The following SLC5A8 variants were observed in gnomAD, a reference collection of about 807,000 sequenced individuals.
SLC5A8 encodes the protein sodium-coupled monocarboxylate transporter 1.
Under a neutral mutation model 71.9 loss-of-function variants are expected in SLC5A8, and 55 were observed. The ratio of observed to expected loss-of-function variants is 0.77; its 90% confidence interval spans 0.62 to 0.96. SLC5A8 has a LOEUF of 0.96. Among genes scored for constraint, SLC5A8 ranks in the 40% least tolerant of loss-of-function variants. The probability of loss-of-function intolerance (pLI) is 0.00; values close to 1 mark genes in which losing one functional copy is unlikely to be tolerated. For missense variants in SLC5A8, 701 were observed against 745.3 expected, an observed-to-expected ratio of 0.94 and a Z score of 0.69; for synonymous variants, 307 against 276.1, an observed-to-expected ratio of 1.11 and a Z score of -1.11.
At position 101,155,826 on chromosome 12, in the gene SLC5A8, TTGTC is replaced by T. The variant is rs2051654866; in HGVS notation, c.*1449_*1452del. On this transcript the variant is annotated 3_prime_UTR_variant, in exon 15 of 15. Coordinates refer to ENST00000536262, the MANE Select transcript of SLC5A8 (RefSeq NM_145913.5). ...TTTTTTTTTTTTAAATTTCTTAACA[TTGTC>T]AGTTAGCAACCTCTAAATGTACAGG... 1.3e-5 allele frequency: 2 copies of T among 150,780 alleles called. 1 individual carries two copies. The highest frequency in any genetic ancestry group is 2.9e-5 in the Non-Finnish European group (2 of 67,840). 9.3% of individuals were successfully genotyped at this position (150,780 alleles called of 1,614,324 possible). A position where few individuals can be genotyped will look rare whatever the true frequency, so the allele number is the denominator to read the frequency against.
In SLC5A8 at chr12:101,202,174, AG is replaced by A; in HGVS notation, c.458del (p.Ala153ValfsTer2). 1 of 1,610,462 alleles carries A rather than the reference AG, an allele frequency of 6.2e-7. No homozygotes were observed. Among genetic ancestry groups the A allele is most frequent in the South Asian group, 1.1e-5 (1 of 90,914 alleles). On this transcript the variant is annotated frameshift_variant, in exon 3 of 15. Transcript: ENST00000536262. LOFTEE classifies it high-confidence loss of function. The part of the protein sequence containing the change: ...TGIVIYAPAL[A>X]LNQVTGFDLW... ...AACTCTAAAATGTACCTTGATTCAA[AG>A]CCAGGGCAGGGGCATAAATAACAAT...
At chr12:101,173,878 A>G (rs78199855) in intron 10 of SLC5A8, among the ~76,000 whole-genome samples, 2,145 of 152,150 alleles carry the variant, frequency 0.014, 43 homozygotes, top group South Asian at 0.054. Context: ...CCAGAGACAC[A>G]CCAGCCAGTG....
intron 10 of SLC5A8, among the ~76,000 whole-genome samples, chr12:101,179,029 T>C (rs894279978): frequency 3.9e-5 from 6 of 152,050 alleles, no homozygotes; most frequent in Admixed American, 1.3e-4. Context: ...AGAAGATACA[T>C]AGATGAAAAA....
At chr12:101,200,055 G>GAAAAAAAAAAAAA (rs1869386065) in intron 3 of SLC5A8, among the ~76,000 whole-genome samples, 1 of 27,482 alleles carries the variant, frequency 3.6e-5, no homozygotes, top group African/African-American at 1.7e-4. Context: ...AAAAAAAAAA[G>GAAAAAAAAAAAAA]GGAATGAACT....
intron 3 of SLC5A8, among the ~76,000 whole-genome samples, chr12:101,195,746 G>A (rs1353941368): frequency 6.9e-6 from 1 of 144,168 alleles, no homozygotes; most frequent in African/African-American, 2.6e-5. Context: ...TACCAGGCTG[G>A]AGTGCAGTGG....
In SLC5A8 at chr12:101,200,050, AAAAAG is replaced by A. The variant is rs1869384777; in HGVS notation, c.469+2109_469+2113del. On this transcript the variant is annotated intron_variant, in intron 3 of 14. Coordinates refer to ENST00000536262, the MANE Select transcript of SLC5A8 (RefSeq NM_145913.5). ...AAAAAAAAAAAAAAAAAAAAAAAAA[AAAAAG>A]GGAATGAACTACTGATATATATGTA... 2.6e-4 allele frequency among the ~76,000 whole-genome samples: 22 copies of A among 85,298 alleles called. 6 individuals carry two copies. The highest frequency in any genetic ancestry group is 6.2e-4 in the African/African-American group (12 of 19,424). 56.0% of individuals were successfully genotyped at this position (85,298 alleles called of 152,430 possible).
intron 10 of SLC5A8, among the ~76,000 whole-genome samples, chr12:101,177,528 A>T (rs993482031): frequency 6.6e-6 from 1 of 151,876 alleles, no homozygotes; most frequent in African/African-American, 2.4e-5. Flanking sequence ...CTTCATGAAC[A>T]TAGATGTAAA....
At chr12:101,195,006 C>CA in intron 4 of SLC5A8, 89 bp downstream of exon 4, 1 of 1,283,904 alleles carries the variant, frequency 7.8e-7, no homozygotes, top group South Asian at 1.3e-5. Context: ...TAAGTGTGGA[C>CA]AAACAAGATT....
rs1869865213 is a variant in SLC5A8, at chr12:101,210,011, C to A, written c.-163G>T. On this transcript the variant is annotated 5_prime_UTR_variant, in exon 1 of 15. Coordinates refer to ENST00000536262, the MANE Select transcript of SLC5A8 (RefSeq NM_145913.5). ...GTCGGCCTCCGAACGCACCCCGAGG[C>A]GGGGTGAGGGCTGGCAGTCGCCCCT... 1 of 591,438 alleles carries A rather than the reference C, an allele frequency of 1.7e-6. No homozygotes were observed. Among genetic ancestry groups the A allele is most frequent in the East Asian group, 3.3e-5 (1 of 30,480 alleles). 36.6% of individuals were successfully genotyped at this position (591,438 alleles called of 1,614,324 possible). A position where few individuals can be genotyped will look rare whatever the true frequency, so the allele number is the denominator to read the frequency against.
rs1221949161 is a variant in SLC5A8 at position 101,200,048 on chromosome 12, AAAAAAAG to A, written c.469+2109_469+2115del. On this transcript the variant is annotated intron_variant, in intron 3 of 14. Coordinates refer to ENST00000536262, the MANE Select transcript of SLC5A8 (RefSeq NM_145913.5). ...AAAAAAAAAAAAAAAAAAAAAAAAA[AAAAAAAG>A]GGAATGAACTACTGATATATATGTA... is the stretch of plus-strand genomic sequence containing the variant. Among the ~76,000 whole-genome samples, 56 of 84,136 alleles carry A rather than the reference AAAAAAAG, an allele frequency of 6.7e-4. 11 individuals are homozygous for A. Among genetic ancestry groups the A allele is most frequent in the East Asian group, 1.9e-3 (6 of 3,104 alleles). 55.2% of individuals were successfully genotyped at this position (84,136 alleles called of 152,430 possible).
intron 10 of SLC5A8, among the ~76,000 whole-genome samples, chr12:101,169,418 A>T (rs983947598): frequency 1.3e-5 from 2 of 152,206 alleles, no homozygotes; most frequent in African/African-American, 4.8e-5. Context: ...AAGAAAGCAA[A>T]TTCTGTATGA....
chr12:101,169,283 T>G (rs764493608), intron 10 of SLC5A8, among the ~76,000 whole-genome samples: 15 of 152,218 alleles, frequency 9.9e-5, no homozygotes, highest in Non-Finnish European at 1.9e-4. Flanking sequence ...GAAGCAAGGA[T>G]GAACTGGCTT....
At chr12:101,179,871 A>C (rs1054297405) in intron 10 of SLC5A8, among the ~76,000 whole-genome samples, 158 bp downstream of exon 10, 2 of 152,190 alleles carry the variant, frequency 1.3e-5, no homozygotes, top group African/African-American at 4.8e-5. Flanking sequence ...CTCAAAACAC[A>C]AAGTTTAATT....
chr12:101,158,582 CTCTCTCTCTCTCTCTCTATA>C (rs1253326851), intron 13 of SLC5A8, among the ~76,000 whole-genome samples: 106 of 51,292 alleles, frequency 2.1e-3, no homozygotes, highest in African/African-American at 5.7e-3. Context: ...CTCTCTCTCT[CTCTCTCTCTCTCTCTCTATA>C]TATATATATA....
intron 10 of SLC5A8, among the ~76,000 whole-genome samples, chr12:101,177,453 A>ACT (rs1437403393): frequency 2.0e-5 from 3 of 151,064 alleles, no homozygotes. Flanking sequence ...ATACACACAC[A>ACT]CACACACACA....
chr12:101,176,945 A>C (rs1006410958), intron 10 of SLC5A8, among the ~76,000 whole-genome samples: 1 of 152,096 alleles, frequency 6.6e-6, no homozygotes. Context: ...CAATGAGTGA[A>C]AACAGAAAAA....
intron 10 of SLC5A8, among the ~76,000 whole-genome samples, chr12:101,178,151 A>G (rs2051898425): frequency 6.6e-6 from 1 of 152,210 alleles, no homozygotes; most frequent in African/African-American, 2.4e-5. Context: ...TACGATTTGC[A>G]TAGAAAAGCT....
intron 10 of SLC5A8, among the ~76,000 whole-genome samples, chr12:101,177,163 A>G (rs533590275): frequency 6.6e-5 from 10 of 152,246 alleles, no homozygotes; most frequent in African/African-American, 2.4e-4. Flanking sequence ...GCAAACTTAG[A>G]TAAAATGGAA....
chr12:101,183,197 C>A (rs1566315093), intron 8 of SLC5A8, among the ~76,000 whole-genome samples: 1 of 151,982 alleles, frequency 6.6e-6, no homozygotes. Flanking sequence ...AGGCGCCCGC[C>A]AACAAGCCTG....
Sources: allele counts gnomAD v4.1 joint callset (sites outside exome capture counted in the v4.1 genomes callset), GRCh38; gene constraint gnomAD v4.1.1; transcripts MANE v1.5; gene names NCBI Gene and HGNC (gene_info 2026-07-23, HGNC 2026-07-21).